RAVER2: variants seen among roughly 807,000 people sequenced by gnomAD.
The protein encoded by RAVER2 is ribonucleoprotein PTB-binding 2.
A neutral mutation model predicts 78.1 loss-of-function variants in RAVER2; 46 were observed. The observed-to-expected ratio is 0.59, with a 90% confidence interval of 0.46 to 0.75. The LOEUF (loss-of-function observed/expected upper bound fraction) is 0.75, where lower values mean the gene tolerates loss of function less well. Ranked by LOEUF, RAVER2 falls within the 30% of genes least tolerant of loss-of-function variation. RAVER2 has a pLI of 0.00. For synonymous variants in RAVER2, 311 were observed against 313.3 expected (o/e 0.99, Z 0.08); for missense variants, 793 against 837.5 (o/e 0.95, Z 0.66).
chr1:64,824,750 C>T (rs1464115255), intron 11 of RAVER2, among the ~76,000 whole-genome samples: 3 of 151,500 alleles, frequency 2.0e-5, no homozygotes, highest in Non-Finnish European at 2.9e-5. Context: ...GCCAACAGGG[C>T]GAAACCCCGT....
At chr1:64,810,352 G>T (rs1021228219) in intron 9 of RAVER2, among the ~76,000 whole-genome samples, 8 of 152,188 alleles carry the variant, frequency 5.3e-5, no homozygotes. Flanking sequence ...GGTGCAAGGT[G>T]CCAGCAAATC....
intron 6 of RAVER2, among the ~76,000 whole-genome samples, chr1:64,803,774 T>C (rs188475673): frequency 1.3e-5 from 2 of 152,328 alleles, no homozygotes; most frequent in African/African-American, 4.8e-5. Flanking sequence ...CTGACATATA[T>C]GTATTAGACA....
intron 3 of RAVER2, 122 bp from the exon 4 acceptor site, chr1:64,781,258 A>G: frequency 1.2e-6 from 1 of 860,812 alleles, no homozygotes; most frequent in Non-Finnish European, 1.6e-6. Context: ...AAGAAAGAAT[A>G]TGTTATTTCC....
At chr1:64,761,937 CCT>C (rs1350243441) in intron 1 of RAVER2, among the ~76,000 whole-genome samples, 1 of 150,832 alleles carries the variant, frequency 6.6e-6, no homozygotes, top group Non-Finnish European at 1.5e-5. Context: ...TAACCAAAAC[CCT>C]GTCTCTACCA....
At chr1:64,823,189 C>T (rs1310968504) in intron 11 of RAVER2, among the ~76,000 whole-genome samples, 1 of 152,166 alleles carries the variant, frequency 6.6e-6, no homozygotes, top group Non-Finnish European at 1.5e-5. Context: ...CTGTACTAAA[C>T]AGAGAATAGC....
chr1:64,773,371 T>G (rs1410681506), intron 2 of RAVER2, among the ~76,000 whole-genome samples: 1 of 151,986 alleles, frequency 6.6e-6, no homozygotes. Flanking sequence ...TGTGTGATGT[T>G]CCCCTCCCTG....
chr1:64,767,541 A>G, intron 1 of RAVER2, among the ~76,000 whole-genome samples: 1 of 152,060 alleles, frequency 6.6e-6, no homozygotes, highest in South Asian at 2.1e-4. Context: ...TTTAGGTTAC[A>G]TACTTAACAT....
At chr1:64,809,108 T>C (rs998763257) in intron 9 of RAVER2, among the ~76,000 whole-genome samples, 2 of 152,234 alleles carry the variant, frequency 1.3e-5, no homozygotes, top group Non-Finnish European at 2.9e-5. Context: ...CAGTATTGTG[T>C]GTACCTCCAG....
intron 9 of RAVER2, among the ~76,000 whole-genome samples, chr1:64,811,582 A>C (rs1570576839): frequency 6.6e-6 from 1 of 152,216 alleles, no homozygotes; most frequent in Admixed American, 6.5e-5. Context: ...CAAATGATGT[A>C]ATTTATGGTA....
intron 3 of RAVER2, 123 bp from the exon 4 acceptor site, chr1:64,781,253 AGAAT>A: frequency 1.2e-6 from 1 of 838,306 alleles, no homozygotes; most frequent in Non-Finnish European, 1.7e-6. Context: ...TCATAAAGAA[AGAAT>A]ATGTTATTTC....
chr1:64,785,606 T>A (rs1264080397), intron 4 of RAVER2, among the ~76,000 whole-genome samples: 1 of 152,076 alleles, frequency 6.6e-6, no homozygotes, highest in African/African-American at 2.4e-5. Context: ...TGACCTCAAG[T>A]GATCTGCCAG....
At chr1:64,804,386 T>C (rs1653353142) in intron 6 of RAVER2, among the ~76,000 whole-genome samples, 1 of 152,174 alleles carries the variant, frequency 6.6e-6, no homozygotes, top group Non-Finnish European at 1.5e-5. Context: ...TACTTCTCAC[T>C]AAGTAGCACA....
At chr1:64,806,536 A>G (rs1457822428) in intron 8 of RAVER2, among the ~76,000 whole-genome samples, 2 of 152,200 alleles carry the variant, frequency 1.3e-5, no homozygotes, top group Non-Finnish European at 2.9e-5. Flanking sequence ...AAAAAAAGAA[A>G]CCAGTGATAT....
At chr1:64,795,212 A>G (rs773142872) in intron 5 of RAVER2, among the ~76,000 whole-genome samples, 28 of 152,230 alleles carry the variant, frequency 1.8e-4, no homozygotes, top group Non-Finnish European at 2.6e-4. Context: ...TCTATACCAA[A>G]ATATATGTGT....
intron 1 of RAVER2, among the ~76,000 whole-genome samples, chr1:64,763,559 G>A (rs916614544): frequency 6.6e-6 from 1 of 152,064 alleles, no homozygotes; most frequent in Non-Finnish European, 1.5e-5. Context: ...GCCAATAAGT[G>A]TGCAAATTGG....
chr1:64,822,963 A>T (rs1018531269), intron 11 of RAVER2, among the ~76,000 whole-genome samples: 1 of 152,216 alleles, frequency 6.6e-6, no homozygotes, highest in African/African-American at 2.4e-5. Context: ...CATTTATATG[A>T]AATATCCAGA....
intron 11 of RAVER2, among the ~76,000 whole-genome samples, chr1:64,819,335 A>G (rs931544013): frequency 6.6e-6 from 1 of 152,156 alleles, no homozygotes; most frequent in Non-Finnish European, 1.5e-5. Flanking sequence ...ACTGAAAACT[A>G]TAGTATCTGA....
chr1:64,801,544 G>A (rs919462502), intron 5 of RAVER2, among the ~76,000 whole-genome samples: 2 of 144,028 alleles, frequency 1.4e-5, no homozygotes, highest in Non-Finnish European at 3.0e-5. Flanking sequence ...TAAAGTCAGA[G>A]CAAGTTTATT....
chr1:64,812,204 A>G (rs1424697335), intron 9 of RAVER2, among the ~76,000 whole-genome samples: 1 of 151,926 alleles, frequency 6.6e-6, no homozygotes, highest in Non-Finnish European at 1.5e-5. Flanking sequence ...TACTAAAAAT[A>G]TAAAAAAATT....
Sources: allele counts gnomAD v4.1 joint callset (sites outside exome capture counted in the v4.1 genomes callset), GRCh38; gene constraint gnomAD v4.1.1; transcripts MANE v1.5; gene names NCBI Gene and HGNC (gene_info 2026-07-23, HGNC 2026-07-21).